Variants in KIF26B observed in about 807,000 individuals in gnomAD.
The protein encoded by KIF26B is kinesin family member 26B.
Under a neutral mutation model 151.2 loss-of-function variants are expected in KIF26B, and 63 were observed. The observed-to-expected ratio is 0.42, with a 90% CI of 0.34 to 0.51. KIF26B has a LOEUF of 0.51. KIF26B is among the 20% of genes least tolerant of loss of function. The probability of loss-of-function intolerance (pLI) is 0.07; values close to 1 mark genes in which losing one functional copy is unlikely to be tolerated. For synonymous variants in KIF26B, 1,357 were observed against 1,262.1 expected (o/e 1.08, Z -1.59); for missense variants, 2,813 against 2,913.6 (o/e 0.97, Z 0.79).
intron 4 of KIF26B, among the ~76,000 whole-genome samples, chr1:245,486,793 C>T (rs955810801): frequency 3.9e-5 from 6 of 152,192 alleles, no homozygotes; most frequent in Non-Finnish European, 5.9e-5. Context: ...GCCTCAGTCT[C>T]CCAAGTAGCT....
intron 2 of KIF26B, among the ~76,000 whole-genome samples, chr1:245,184,350 A>C (rs1668966022): frequency 6.6e-6 from 1 of 152,062 alleles, no homozygotes; most frequent in Non-Finnish European, 1.5e-5. Context: ...ATATTGCAAG[A>C]AATAGCTCAG....
chr1:245,449,259 G>A (rs148083029), intron 4 of KIF26B, among the ~76,000 whole-genome samples: 10 of 152,322 alleles, frequency 6.6e-5, no homozygotes, highest in Non-Finnish European at 8.8e-5. Context: ...ATTTGCGTAG[G>A]CTGAGAACAG....
rs1276742465 is a variant in KIF26B at position 245,607,751 on chromosome 1, G to T, written c.1651+7G>T. 6.2e-7 allele frequency: 1 copy of T among 1,608,464 alleles called. No homozygotes were observed. Among genetic ancestry groups the T allele is most frequent in the South Asian group, 1.1e-5 (1 of 89,746 alleles). ...TTCGGCCACGCCAAACTGGGTTCGT[G>T]AGAGTTTCACTTTCTCATGCGGCTC... On this transcript the variant is annotated splice_region_variant and intron_variant, in intron 7 of 14. Coordinates refer to ENST00000407071, the MANE Select transcript of KIF26B (RefSeq NM_018012.4).
intron 5 of KIF26B, among the ~76,000 whole-genome samples, chr1:245,568,127 G>A (rs1003711281): frequency 9.9e-5 from 13 of 131,210 alleles, no homozygotes; most frequent in South Asian, 2.6e-4. Flanking sequence ...TGAGGTTGCA[G>A]TGAGCCGAGA....
At chr1:245,437,596 G>T (rs1658968623) in intron 4 of KIF26B, among the ~76,000 whole-genome samples, 1 of 152,096 alleles carries the variant, frequency 6.6e-6, no homozygotes, top group African/African-American at 2.4e-5. Context: ...GCTTGGCTGG[G>T]GAATGGGAGG....
chr1:245,562,395 A>G (rs2042965223), intron 5 of KIF26B, among the ~76,000 whole-genome samples: 1 of 152,032 alleles, frequency 6.6e-6, no homozygotes, highest in South Asian at 2.1e-4. Context: ...TCAGGGAGAA[A>G]TTTACCCAAA....
chr1:245,453,466 G>A (rs2103054033), intron 4 of KIF26B, among the ~76,000 whole-genome samples: 1 of 152,176 alleles, frequency 6.6e-6, no homozygotes, highest in South Asian at 2.1e-4. Flanking sequence ...CTTGAATTAT[G>A]TGACCAAGAA....
intron 3 of KIF26B, among the ~76,000 whole-genome samples, chr1:245,413,475 A>G (rs1674336041): frequency 6.6e-6 from 1 of 152,128 alleles, no homozygotes; most frequent in South Asian, 2.1e-4. Context: ...AGCCTAGTCA[A>G]TATGGTGAAA....
chr1:245,255,880 T>C (rs1670524426), intron 2 of KIF26B, among the ~76,000 whole-genome samples: 1 of 152,248 alleles, frequency 6.6e-6, no homozygotes, highest in African/African-American at 2.4e-5. Context: ...TTGTTAGACA[T>C]GGTTCTTCTT....
chr1:245,471,111 T>C (rs892410274), intron 4 of KIF26B, among the ~76,000 whole-genome samples: 4 of 144,474 alleles, frequency 2.8e-5, no homozygotes, highest in Admixed American at 7.0e-5. Flanking sequence ...TAGATTTTGA[T>C]AGTATGTGTG....
chr1:245,303,143 A>C (rs1457728748), intron 2 of KIF26B, among the ~76,000 whole-genome samples: 2 of 148,524 alleles, frequency 1.3e-5, no homozygotes, highest in Admixed American at 1.3e-4. Flanking sequence ...ACTTTGCTGC[A>C]CCTGAATTCC....
intron 5 of KIF26B, among the ~76,000 whole-genome samples, chr1:245,567,062 C>T (rs550194734): frequency 1.1e-4 from 17 of 152,294 alleles, no homozygotes; most frequent in Admixed American, 1.0e-3. Context: ...AGTGGAGAGC[C>T]CTGCACCCCA....
At chr1:245,593,593 C>T (rs1384734506) in intron 5 of KIF26B, among the ~76,000 whole-genome samples, 1 of 152,100 alleles carries the variant, frequency 6.6e-6, no homozygotes, top group African/African-American at 2.4e-5. Flanking sequence ...TGGGTTGGTT[C>T]CAAGTCTTTG....
intron 10 of KIF26B, among the ~76,000 whole-genome samples, chr1:245,673,121 G>A (rs1172883465): frequency 2.3e-5 from 3 of 131,542 alleles, no homozygotes; most frequent in Non-Finnish European, 1.6e-5. Flanking sequence ...CCCGCTGCGC[G>A]CTGCCATCTT....
intron 5 of KIF26B, among the ~76,000 whole-genome samples, chr1:245,574,988 C>T (rs1312903885): frequency 6.6e-6 from 1 of 151,046 alleles, no homozygotes; most frequent in Non-Finnish European, 1.5e-5. Context: ...CCTCAGCCTC[C>T]CGAGTAGCTG....
At chr1:245,510,650 C>A (rs1464154485) in intron 4 of KIF26B, among the ~76,000 whole-genome samples, 3 of 150,250 alleles carry the variant, frequency 2.0e-5, no homozygotes, top group Non-Finnish European at 4.4e-5. Flanking sequence ...TCCCTGCCTG[C>A]CTGCCTCTGC....
intron 2 of KIF26B, among the ~76,000 whole-genome samples, chr1:245,179,654 A>C (rs1198031705): frequency 6.6e-6 from 1 of 152,162 alleles, no homozygotes; most frequent in Non-Finnish European, 1.5e-5. Flanking sequence ...AGGAGACCCC[A>C]ACATTGGTCG....
chr1:245,353,100 T>C (rs1277751380), intron 2 of KIF26B, among the ~76,000 whole-genome samples: 3 of 152,322 alleles, frequency 2.0e-5, no homozygotes, highest in Non-Finnish European at 4.4e-5. Flanking sequence ...TTAAAGATAG[T>C]CAGAAGGCTG....
intron 4 of KIF26B, among the ~76,000 whole-genome samples, chr1:245,428,090 G>A (rs1658690629): frequency 6.6e-6 from 1 of 152,174 alleles, no homozygotes; most frequent in Admixed American, 6.5e-5. Context: ...TTCACTGGTG[G>A]CCAAGCAGTG....
Sources: allele counts gnomAD v4.1 joint callset (sites outside exome capture counted in the v4.1 genomes callset), GRCh38; gene constraint gnomAD v4.1.1; transcripts MANE v1.5; gene names NCBI Gene and HGNC (gene_info 2026-07-23, HGNC 2026-07-21).